CAMK2D: variants seen among roughly 807,000 people sequenced by gnomAD.
CAMK2D encodes calcium/calmodulin dependent protein kinase II delta, also known as calcium/calmodulin-dependent protein kinase type II subunit delta.
Under a neutral mutation model 84.0 loss-of-function variants are expected in CAMK2D, and 37 were observed. That is an observed-to-expected ratio of 0.44 (90% confidence interval 0.34 to 0.58). The LOEUF (loss-of-function observed/expected upper bound fraction) is 0.58. Ranked by LOEUF, CAMK2D falls within the 20% of genes least tolerant of loss-of-function variation. The pLI, the probability that CAMK2D is intolerant of heterozygous loss-of-function variation, is 0.02. For missense variants in CAMK2D, 448 were observed against 652.5 expected, an observed-to-expected ratio of 0.69 and a Z score of 3.41; for synonymous variants, 202 against 212.5, an observed-to-expected ratio of 0.95 and a Z score of 0.43.
chr4:113,682,204 G>C (rs1439113138), intron 2 of CAMK2D, among the ~76,000 whole-genome samples: 1 of 152,158 alleles, frequency 6.6e-6, no homozygotes, highest in African/African-American at 2.4e-5. Context: ...TTTGATAGAA[G>C]AGGAAGAGCA....
At position 113,513,440 on chromosome 4, in the gene CAMK2D, C is replaced by CTT. The variant is rs1279246389; in HGVS notation, c.904-72_904-71dup. On this transcript the variant is annotated intron_variant, in intron 11 of 20. Coordinates refer to ENST00000511664, the MANE Select transcript of CAMK2D (RefSeq NM_001321571.2). ...ATTCTGGACCTAACAAATATAGAGTCTTTGATAACAAATCTTTTCCTGGCC... is the reference window on the plus strand; with the variant it reads ...ATTCTGGACCTAACAAATATAGAGTCTTTTTGATAACAAATCTTTTCCTGGCC... 6.4e-6 allele frequency: 6 copies of CTT among 934,636 alleles called. No homozygotes were observed. In the East Asian group the frequency reaches 1.4e-4, roughly 22 times the overall value. The allele number at this position is 934,636 out of a possible 1,614,324, so 57.9% of individuals were successfully genotyped here.
At chr4:113,604,429 C>T (rs1258058862) in intron 4 of CAMK2D, among the ~76,000 whole-genome samples, 3 of 152,028 alleles carry the variant, frequency 2.0e-5, no homozygotes, top group Non-Finnish European at 4.4e-5. Context: ...CATTGTTTTT[C>T]AATTTTTCTA....
chr4:113,506,041 A>G (rs1228227987), intron 13 of CAMK2D, among the ~76,000 whole-genome samples: 1 of 152,168 alleles, frequency 6.6e-6, no homozygotes, highest in Non-Finnish European at 1.5e-5. Flanking sequence ...TAGGTATTTT[A>G]TTTATTATTT....
intron 4 of CAMK2D, among the ~76,000 whole-genome samples, chr4:113,579,721 T>A (rs1172448691): frequency 1.3e-5 from 2 of 152,166 alleles, no homozygotes; most frequent in Non-Finnish European, 2.9e-5. Flanking sequence ...AAAATAAACC[T>A]TTTTTCTTTA....
At chr4:113,693,338 T>C (rs2099393828) in intron 2 of CAMK2D, among the ~76,000 whole-genome samples, 1 of 152,180 alleles carries the variant, frequency 6.6e-6, no homozygotes, top group African/African-American at 2.4e-5. Context: ...CTAGTTCTGC[T>C]AAATTCCAAA....
At chr4:113,554,925 T>C (rs1373545185) in intron 4 of CAMK2D, among the ~76,000 whole-genome samples, 1 of 151,908 alleles carries the variant, frequency 6.6e-6, no homozygotes, top group Non-Finnish European at 1.5e-5. Context: ...TTACCATTTA[T>C]GAAATCTCCA....
At chr4:113,516,982 G>GTATA (rs768565221) in intron 9 of CAMK2D, among the ~76,000 whole-genome samples, 1 of 151,256 alleles carries the variant, frequency 6.6e-6, no homozygotes, top group Non-Finnish European at 1.5e-5. Flanking sequence ...ATTTATGAAT[G>GTATA]TATATATATA....
intron 4 of CAMK2D, among the ~76,000 whole-genome samples, chr4:113,587,900 G>A (rs1308961782): frequency 6.6e-6 from 1 of 152,034 alleles, no homozygotes; most frequent in African/African-American, 2.4e-5. Context: ...AGGAAAAGAA[G>A]CCAAATATGA....
intron 4 of CAMK2D, among the ~76,000 whole-genome samples, chr4:113,599,097 G>A (rs7681798): frequency 0.38 from 58,365 of 151,906 alleles, 11,667 homozygotes; most frequent in East Asian, 0.64. Flanking sequence ...ATTTCAAATT[G>A]TAACAATGGA....
intron 7 of CAMK2D, among the ~76,000 whole-genome samples, chr4:113,533,892 A>G (rs2098473273): frequency 6.6e-6 from 1 of 152,052 alleles, no homozygotes; most frequent in African/African-American, 2.4e-5. Context: ...TGGGACTTGA[A>G]AAATGATAAT....
chr4:113,660,165 AT>A (rs1426379343), intron 3 of CAMK2D, among the ~76,000 whole-genome samples: 1 of 152,232 alleles, frequency 6.6e-6, no homozygotes, highest in Non-Finnish European at 1.5e-5. Context: ...TAGGTTAACA[AT>A]AAAATTGAGG....
In CAMK2D at chr4:113,465,614, A is replaced by G; in HGVS notation, c.1136-10T>C. 1 of 1,559,928 alleles carries G rather than the reference A, an allele frequency of 6.4e-7. No individual in the cohort carries two copies. Among genetic ancestry groups the G allele is most frequent in the East Asian group, 2.2e-5 (1 of 44,610 alleles). On this transcript the variant is annotated splice_polypyrimidine_tract_variant and intron_variant, in intron 16 of 20. Transcript: ENST00000511664. The stretch of plus-strand genomic sequence containing the variant: ...ATCTCTTGCTTTCGTGCTAAAGGCA[A>G]AAATATGGAGTTGGGTAAGAATAAA...
Position 113,509,651 on chromosome 4 carries a change from G to A in CAMK2D, c.971C>T (p.Pro324Leu). Reference sequence around the variant, plus strand: ...TGTTTAACTTACCTTTACTCCATCTGGTTTCTTCAACAAACTCTTGGCTGC... The same window carrying A: ...TGTTTAACTTACCTTTACTCCATCTAGTTTCTTCAACAAACTCTTGGCTGC... The part of the protein sequence containing the change: ...FSAAKSLLKK[P>L]DGVKINNKAN... The change falls in exon 13 of 21, where the codon CCA becomes CTA. Residue 324 changes from proline (P) to leucine (L), a missense_variant. Pro to Leu is a moderately conservative substitution (Grantham distance 98, BLOSUM62 -3). This residue lies in a region of CAMK2D where 219 missense variants were observed against 272.1 expected (regional missense o/e 0.80). Transcript: ENST00000511664. The A allele has an allele frequency of 1.9e-6, 3 of 1,608,210 alleles. No individual in the cohort carries two copies. The highest frequency in any genetic ancestry group is 2.2e-5 in the South Asian group (2 of 90,944).
At chr4:113,494,622 AGC>A (rs1287654361) in intron 16 of CAMK2D, among the ~76,000 whole-genome samples, 1 of 152,230 alleles carries the variant, frequency 6.6e-6, no homozygotes, top group Non-Finnish European at 1.5e-5. Flanking sequence ...CCAGAGGTGG[AGC>A]CTACAGAGGC....
rs554946831 is a variant in CAMK2D at position 113,761,661 on chromosome 4, C to G, written c.-593G>C. Reference sequence around the variant, plus strand: ...TTCCCTCCGGCGGGCGGCAGCGGCTCCGGCGAAGCGAGGCACCTTGGCGGC... The same window carrying G: ...TTCCCTCCGGCGGGCGGCAGCGGCTGCGGCGAAGCGAGGCACCTTGGCGGC... On this transcript the variant is annotated 5_prime_UTR_variant, in exon 1 of 21. Transcript: ENST00000511664. 1.8e-4 allele frequency: 182 copies of G among 985,074 alleles called. 4 individuals are homozygous for G. In the South Asian group the frequency reaches 7.9e-3, roughly 43 times the overall value. 61.0% of individuals were successfully genotyped at this position (985,074 alleles called of 1,614,324 possible).
At chr4:113,547,101 A>G (rs2098583211) in intron 6 of CAMK2D, among the ~76,000 whole-genome samples, 1 of 152,204 alleles carries the variant, frequency 6.6e-6, no homozygotes. Context: ...ATATAAATAA[A>G]TAAAAAACTA....
intron 2 of CAMK2D, among the ~76,000 whole-genome samples, chr4:113,705,326 CAAAA>C (rs34325573): frequency 1.1e-5 from 1 of 91,128 alleles, no homozygotes; most frequent in African/African-American, 3.7e-5. Flanking sequence ...GACTCCATCT[CAAAA>C]AAAAAAAAAA....
chr4:113,556,526 G>C (rs2098665609), intron 4 of CAMK2D, among the ~76,000 whole-genome samples: 1 of 152,156 alleles, frequency 6.6e-6, no homozygotes, highest in Non-Finnish European at 1.5e-5. Context: ...TCATTAGTAG[G>C]AGTGTTACTG....
intron 4 of CAMK2D, among the ~76,000 whole-genome samples, chr4:113,597,498 C>T (rs776630600): frequency 2.0e-5 from 3 of 152,204 alleles, no homozygotes; most frequent in Non-Finnish European, 4.4e-5. Context: ...CCCCTCTCAG[C>T]CTTCAAACAA....
Sources: gnomAD v4.1 joint callset for allele counts (sites outside exome capture counted in the v4.1 genomes callset) on GRCh38, gnomAD v4.1.1 for gene constraint, gnomAD v4.1.1 regional missense constraint, MANE v1.5 for transcripts, NCBI Gene and HGNC (gene_info 2026-07-23, HGNC 2026-07-21) for gene names.